REV3L: variants seen among roughly 807,000 people sequenced by gnomAD.
The protein encoded by REV3L is DNA polymerase zeta catalytic subunit.
REV3L carries 69 observed loss-of-function variants against 299.4 expected under a neutral mutation model. The observed-to-expected ratio is 0.23, with a 90% confidence interval of 0.19 to 0.28. REV3L has a LOEUF of 0.28. Ranked by LOEUF, REV3L falls within the 10% of genes least tolerant of loss-of-function variation. The pLI, the probability that REV3L is intolerant of heterozygous loss-of-function variation, is 1.00. For synonymous variants in REV3L, 1,238 were observed against 1,271.4 expected, an observed-to-expected ratio of 0.97 and a Z score of 0.56; for missense variants, 3,128 against 3,693.8, an observed-to-expected ratio of 0.85 and a Z score of 3.97.
chr6:111,413,981 T>C lies in REV3L; in HGVS notation c.329+2302A>G, dbSNP rs17510569. 5.3e-3 allele frequency among the ~76,000 whole-genome samples: 810 copies of C among 152,258 alleles called. 6 individuals carry two copies. Among genetic ancestry groups the C allele is most frequent in the Non-Finnish European group, 9.1e-3 (618 of 67,994 alleles). On this transcript the variant is annotated intron_variant, in intron 2 of 31. Coordinates refer to ENST00000368802, the MANE Select transcript of REV3L (RefSeq NM_001372078.1). The stretch of plus-strand genomic sequence containing the variant: ...ATCCCTAACATAATTGCTCCTGTTA[T>C]AGGATGAGTGTAAACTTTCACCTCA...
chr6:111,385,632 T>A (rs1781269143), intron 9 of REV3L, among the ~76,000 whole-genome samples: 1 of 151,962 alleles, frequency 6.6e-6, no homozygotes, highest in Non-Finnish European at 1.5e-5. Flanking sequence ...CTTTTTTTTT[T>A]AAATGGGGGG....
chr6:111,467,462 G>A (rs568040652), intron 1 of REV3L, among the ~76,000 whole-genome samples: 206 of 152,320 alleles, frequency 1.4e-3, no homozygotes, highest in African/African-American at 4.7e-3. Context: ...ACATACCCAT[G>A]TGGTTGATTA....
At chr6:111,355,718 G>A (rs1224166897) in intron 18 of REV3L, among the ~76,000 whole-genome samples, 1 of 152,116 alleles carries the variant, frequency 6.6e-6, no homozygotes, top group African/African-American at 2.4e-5. Flanking sequence ...TACTGGACAT[G>A]TGCTGGTACA....
chr6:111,462,395 G>A (rs571399572), intron 1 of REV3L, among the ~76,000 whole-genome samples: 1 of 152,080 alleles, frequency 6.6e-6, no homozygotes, highest in Non-Finnish European at 1.5e-5. Context: ...GAGGCTGTCC[G>A]CCAGAAAGGC....
intron 26 of REV3L, among the ~76,000 whole-genome samples, chr6:111,321,421 T>C (rs1017823465): frequency 8.5e-5 from 13 of 152,212 alleles, no homozygotes; most frequent in African/African-American, 3.1e-4. Flanking sequence ...CTAAATATTT[T>C]TTAAGGAGTT....
chr6:111,349,155 G>C, intron 20 of REV3L, 63 bp downstream of exon 20: 1 of 861,060 alleles, frequency 1.2e-6, no homozygotes, highest in Admixed American at 1.8e-5. Context: ...ACTCTATAAT[G>C]ATTAAATCAT....
chr6:111,303,079 GTAAT>G (rs998699561), intron 31 of REV3L, among the ~76,000 whole-genome samples: 21 of 147,600 alleles, frequency 1.4e-4, no homozygotes, highest in South Asian at 4.3e-4. Flanking sequence ...TTTTTAGTTT[GTAAT>G]TAATTACCAT....
In REV3L at chr6:111,380,155, C is replaced by G. The variant is rs149502913; in HGVS notation, c.1281G>C (p.Arg427=). Reference sequence around the variant, plus strand: ...GTGATGGCATCCTATTTCTTTCCCCCCGATATCCATCACTTTCCAAACCAG... The same window carrying G: ...GTGATGGCATCCTATTTCTTTCCCCGCGATATCCATCACTTTCCAAACCAG... The part of the protein sequence containing the change: ...LLAGLESDGY[R]GERNRMPSPC... The change falls in exon 11 of 32, where the codon CGG becomes CGC. Residue 427 remains arginine (R), a synonymous_variant. Transcript: ENST00000368802. The G allele has an allele frequency of 2.5e-6, 4 of 1,614,098 alleles. No individual in the cohort carries two copies. Among genetic ancestry groups the G allele is most frequent in the Non-Finnish European group, 8.5e-7 (1 of 1,179,986 alleles).
intron 4 of REV3L, among the ~76,000 whole-genome samples, chr6:111,404,773 T>G (rs1175581537): frequency 6.6e-6 from 1 of 152,212 alleles, no homozygotes; most frequent in Non-Finnish European, 1.5e-5. Context: ...AACGGCTCTA[T>G]AAATAAAGAA....
chr6:111,359,520 G>GAAAAAAAA (rs371680267), intron 16 of REV3L, among the ~76,000 whole-genome samples: 5 of 102,608 alleles, frequency 4.9e-5, no homozygotes, highest in East Asian at 5.6e-4. Flanking sequence ...AGTTTTTCCT[G>GAAAAAAAA]AAAAAAAAAA....
intron 30 of REV3L, chr6:111,308,305 C>T (rs145129588): frequency 3.1e-5 from 14 of 450,832 alleles, no homozygotes; most frequent in East Asian, 1.4e-4. Context: ...ACATTCTTGC[C>T]GATGATGAAA....
chr6:111,432,864 G>A (rs1256814574), intron 1 of REV3L, among the ~76,000 whole-genome samples: 1 of 151,834 alleles, frequency 6.6e-6, no homozygotes, highest in South Asian at 2.1e-4. Flanking sequence ...TGGCCACAAT[G>A]GAATAAAACT....
At position 111,331,309 on chromosome 6, in the gene REV3L, C is replaced by T. The variant is rs56139956; in HGVS notation, c.8034+367G>A. Reference sequence around the variant, plus strand: ...AATAATGTAGAAGAACAACTAGTAGCATCTACACATTAAAACAATTTAAAT... The same window carrying T: ...AATAATGTAGAAGAACAACTAGTAGTATCTACACATTAAAACAATTTAAAT... On this transcript the variant is annotated intron_variant, in intron 24 of 31. Coordinates refer to ENST00000368802, the MANE Select transcript of REV3L (RefSeq NM_001372078.1). 5.9e-5 allele frequency among the ~76,000 whole-genome samples: 9 copies of T among 151,868 alleles called. No homozygotes were observed. In the East Asian group the frequency reaches 1.7e-3, roughly 29 times the overall value.
In REV3L at chr6:111,311,180, A is replaced by G. The variant is rs777279666; in HGVS notation, c.8684T>C (p.Met2895Thr). Residue 2895 changes from methionine to threonine, a missense_variant, in exon 29 of 32, where the codon ATG (methionine) becomes ACG (threonine). Around this residue, in one of 9 missense-constraint regions of REV3L, gnomAD observed 294 missense variants for 377.0 expected, o/e 0.78. Transcript: ENST00000368802. ...GCTGGCCTTTCCTTCCAGAAGCTTC[A>G]TACATTGTCGCTGAACATACTGTTT... ...LIKQYVQRQC[M>T]KLLEGKASIQ... The G allele has an allele frequency of 6.2e-7, 1 of 1,614,086 alleles. No homozygotes were observed. The highest frequency in any genetic ancestry group is 1.3e-5 in the African/African-American group (1 of 75,058).
chr6:111,306,896 T>C (rs1277421760), intron 31 of REV3L, among the ~76,000 whole-genome samples: 4 of 152,218 alleles, frequency 2.6e-5, no homozygotes. Context: ...ACCAGAAGTG[T>C]TTCAGATTTC....
At chr6:111,353,588 A>G (rs1777792560) in intron 18 of REV3L, 1 of 152,216 alleles carries the variant, frequency 6.6e-6, no homozygotes, top group South Asian at 2.1e-4. Flanking sequence ...GAAAAAGATA[A>G]TAAACATATT....
At chr6:111,352,092 T>A (rs936283187) in intron 18 of REV3L, among the ~76,000 whole-genome samples, 1 of 151,930 alleles carries the variant, frequency 6.6e-6, no homozygotes, top group African/African-American at 2.4e-5. Flanking sequence ...CTGCAACCTC[T>A]GCTTCCCAGG....
chr6:111,474,401 C>T (rs534568723), intron 1 of REV3L, among the ~76,000 whole-genome samples: 14 of 152,278 alleles, frequency 9.2e-5, no homozygotes, highest in African/African-American at 3.4e-4. Flanking sequence ...CATGTTCCTT[C>T]GGCACCGTGA....
chr6:111,431,613 A>C, intron 1 of REV3L: 3 of 780,792 alleles, frequency 3.8e-6, no homozygotes, highest in Non-Finnish European at 6.7e-6. Flanking sequence ...ATCTTAAAGA[A>C]CTTGCACAGC....
Sources: gnomAD v4.1 joint callset for allele counts (sites outside exome capture counted in the v4.1 genomes callset) on GRCh38, gnomAD v4.1.1 for gene constraint, gnomAD v4.1.1 regional missense constraint, MANE v1.5 for transcripts, NCBI Gene and HGNC (gene_info 2026-07-23, HGNC 2026-07-21) for gene names.